FYB1: variants seen among roughly 807,000 people sequenced by gnomAD.
FYB1 encodes FYN-binding protein 1.
In FYB1, 41 loss-of-function variants were observed where a neutral mutation model predicts 94.1. The ratio of observed to expected loss-of-function variants is 0.44; its 90% CI spans 0.34 to 0.57. FYB1 has a LOEUF of 0.57. FYB1 is among the 20% of genes least tolerant of loss of function. The pLI is 0.02. For synonymous variants in FYB1, 367 were observed against 353.2 expected, an observed-to-expected ratio of 1.04 and a Z score of -0.44; for missense variants, 1,050 against 976.8, an observed-to-expected ratio of 1.07 and a Z score of -1.00.
chr5:39,246,922 T>C (rs1751499756), intron 1 of FYB1, among the ~76,000 whole-genome samples: 1 of 151,828 alleles, frequency 6.6e-6, no homozygotes, highest in Non-Finnish European at 1.5e-5. Flanking sequence ...ACTCTGCCCT[T>C]ACTGTGAGAC....
chr5:39,237,597 G>A lies in FYB1; in HGVS notation c.-27-34610C>T, dbSNP rs115764436. ...TAATCACTGAACTAAGGTGCTTAGT[G>A]CCAGACTGGATATAAGGATTGAAAG... On this transcript the variant is annotated intron_variant, in intron 1 of 1. Transcript: ENST00000510188. Among the ~76,000 whole-genome samples the A allele has an allele frequency of 6.9e-3, 1,054 of 152,156 alleles. 9 individuals are homozygous for A. Among genetic ancestry groups the A allele is most frequent in the African/African-American group, 0.023 (939 of 41,540 alleles).
chr5:39,223,924 C>T (rs531578760), upstream of FYB1, among the ~76,000 whole-genome samples: 1 of 152,258 alleles, frequency 6.6e-6, no homozygotes, highest in East Asian at 1.9e-4. Flanking sequence ...TCCCACACTC[C>T]CCTCTTCTCC....
intron 1 of FYB1, among the ~76,000 whole-genome samples, chr5:39,243,872 G>T (rs528241934): frequency 3.3e-5 from 5 of 152,214 alleles, no homozygotes; most frequent in Admixed American, 3.3e-4. Context: ...CCGTAAGTTG[G>T]GTTCCTAGGT....
chr5:39,182,997 G>A (rs1006534259), intron 2 of FYB1, among the ~76,000 whole-genome samples: 4 of 152,156 alleles, frequency 2.6e-5, no homozygotes, highest in Non-Finnish European at 4.4e-5. Flanking sequence ...AAAAGTCCTT[G>A]TGTCTCCTAT....
chr5:39,189,596 T>C (rs982524111), intron 2 of FYB1, among the ~76,000 whole-genome samples: 13 of 151,520 alleles, frequency 8.6e-5, no homozygotes, highest in African/African-American at 3.2e-4. Context: ...ATGGAAAGAG[T>C]GGTTCTGGCT....
At chr5:39,215,787 A>C (rs932358503) in intron 1 of FYB1, among the ~76,000 whole-genome samples, 1 of 152,326 alleles carries the variant, frequency 6.6e-6, no homozygotes, top group East Asian at 1.9e-4. Flanking sequence ...TCTATAAATT[A>C]TGCCCATGTA....
chr5:39,108,301 A>G lies in FYB1; in HGVS notation c.2436-39T>C, dbSNP rs199938361. On this transcript the variant is annotated intron_variant, in intron 17 of 18. Transcript: ENST00000512982. ...AAAAAATTTTTATTTTAAAGAAACT[A>G]TGTTCTTGGCATTAGAGCAATATAT... 297 of 1,483,700 alleles carry G rather than the reference A, an allele frequency of 2.0e-4. 1 individual carries two copies. The highest frequency in any genetic ancestry group is 7.5e-4 in the South Asian group (60 of 79,758). The allele number at this position is 1,483,700 out of a possible 1,614,324, so 91.9% of individuals were successfully genotyped here. A position where few individuals can be genotyped will look rare whatever the true frequency, so the allele number is the denominator to read the frequency against.
At chr5:39,233,016 C>T (rs755567665) in intron 1 of FYB1, among the ~76,000 whole-genome samples, 5 of 151,926 alleles carry the variant, frequency 3.3e-5, no homozygotes, top group South Asian at 2.1e-4. Flanking sequence ...TGAATAATGC[C>T]GCAAGAAACA....
intron 2 of FYB1, among the ~76,000 whole-genome samples, chr5:39,187,297 T>G (rs771308627): frequency 1.2e-4 from 19 of 152,142 alleles, no homozygotes; most frequent in Non-Finnish European, 2.1e-4. Flanking sequence ...AACTTGAGAG[T>G]GTTTTTCTTC....
At chr5:39,266,415 C>T (rs1005909836) in intron 1 of FYB1, among the ~76,000 whole-genome samples, 6 of 152,176 alleles carry the variant, frequency 3.9e-5, no homozygotes, top group Admixed American at 3.9e-4. Context: ...AGCCCAGTGT[C>T]GTGTGTCCAA....
chr5:39,242,907 T>C (rs1383219267), intron 1 of FYB1, among the ~76,000 whole-genome samples: 4 of 152,214 alleles, frequency 2.6e-5, no homozygotes, highest in Non-Finnish European at 5.9e-5. Context: ...TGAGCATTTT[T>C]TCATGTGTCT....
intron 2 of FYB1, among the ~76,000 whole-genome samples, chr5:39,180,994 C>T (rs1318673295): frequency 2.0e-5 from 3 of 152,304 alleles, no homozygotes; most frequent in African/African-American, 4.8e-5. Flanking sequence ...CTCACTCATT[C>T]GTTCAACCAA....
At chr5:39,163,304 G>A (rs1744438712) in intron 2 of FYB1, among the ~76,000 whole-genome samples, 1 of 152,152 alleles carries the variant, frequency 6.6e-6, no homozygotes, top group Admixed American at 6.5e-5. Context: ...AATGCAAACT[G>A]CCAAGAAAAT....
In FYB1 at chr5:39,162,367, G is replaced by A. The variant is rs142972007; in HGVS notation, c.1136-8763C>T. Among the ~76,000 whole-genome samples the A allele has an allele frequency of 3.7e-3, 570 of 152,178 alleles. 2 individuals are homozygous for A. The highest frequency in any genetic ancestry group is 0.013 in the African/African-American group (543 of 41,526). On this transcript the variant is annotated intron_variant, in intron 2 of 18. Coordinates refer to ENST00000512982, the MANE Select transcript of FYB1 (RefSeq NM_001465.6). Reference sequence around the variant, plus strand: ...GGATAAATTCCTAGAAAGTGAAATCGGTAGGTCAAAAGAACTGAGCATTAA... The same window carrying A: ...GGATAAATTCCTAGAAAGTGAAATCAGTAGGTCAAAAGAACTGAGCATTAA...
intron 2 of FYB1, among the ~76,000 whole-genome samples, chr5:39,178,340 G>A (rs548430766): frequency 6.6e-6 from 1 of 152,320 alleles, no homozygotes; most frequent in African/African-American, 2.4e-5. Context: ...GATGAGTCAT[G>A]ATGAGATTAC....
At chr5:39,231,586 C>T (rs1212502963) in intron 1 of FYB1, among the ~76,000 whole-genome samples, 2 of 152,082 alleles carry the variant, frequency 1.3e-5, no homozygotes, top group East Asian at 1.9e-4. Context: ...CATTGGAGTG[C>T]TCCTGAAATG....
Position 39,108,213 on chromosome 5 carries a change from G to T in FYB1, c.2467+18C>A. On this transcript the variant is annotated intron_variant, in intron 18 of 18. Transcript: ENST00000512982. ...TTCACTATGACTGTTCTCTAGGGTG[G>T]TACTACATAAGACTTACCATCAGCA... The T allele has an allele frequency of 6.6e-7, 1 of 1,515,998 alleles. No individual in the cohort carries two copies. The highest frequency in any genetic ancestry group is 8.9e-7 in the Non-Finnish European group (1 of 1,118,818). 93.9% of individuals were successfully genotyped at this position (1,515,998 alleles called of 1,614,324 possible). A position where few individuals can be genotyped will look rare whatever the true frequency, so the allele number is the denominator to read the frequency against.
intron 1 of FYB1, among the ~76,000 whole-genome samples, chr5:39,269,977 G>T (rs146521270): frequency 6.6e-6 from 1 of 152,152 alleles, no homozygotes; most frequent in African/African-American, 2.4e-5. Flanking sequence ...GCTATGTTAT[G>T]GGTTAAAGTA....
chr5:39,121,958 AGAG>A (rs1366979092), intron 14 of FYB1, among the ~76,000 whole-genome samples: 1 of 152,176 alleles, frequency 6.6e-6, no homozygotes, highest in African/African-American at 2.4e-5. Context: ...ATGAATAAAG[AGAG>A]GAGAAGAATC....
Sources: gnomAD v4.1 joint callset for allele counts (sites outside exome capture counted in the v4.1 genomes callset) on GRCh38, gnomAD v4.1.1 for gene constraint, MANE v1.5 for transcripts, NCBI Gene and HGNC (gene_info 2026-07-23, HGNC 2026-07-21) for gene names.